The following GRAMD1B variants were observed in gnomAD, a reference collection of about 807,000 sequenced individuals.
GRAMD1B encodes the protein GRAM domain containing 1B.
A neutral mutation model predicts 99.7 loss-of-function variants in GRAMD1B; 37 were observed. That is an observed-to-expected ratio of 0.37 (90% confidence interval 0.29 to 0.49). The LOEUF is 0.49. Among genes scored for constraint, GRAMD1B ranks in the 20% least tolerant of loss-of-function variants. The pLI, the probability that GRAMD1B is intolerant of heterozygous loss-of-function variation, is 0.98. For missense variants in GRAMD1B, 888 were observed against 1,009.2 expected (o/e 0.88, Z 1.63); for synonymous variants, 427 against 387.6 (o/e 1.10, Z -1.19).
At chr11:123,453,506 G>A (rs949882235) in intron 1 of GRAMD1B, among the ~76,000 whole-genome samples, 4 of 151,954 alleles carry the variant, frequency 2.6e-5, no homozygotes, top group Non-Finnish European at 5.9e-5. Flanking sequence ...TAGTAGAGAC[G>A]GGGTTTCGCC....
At chr11:123,388,348 C>G (rs977100002) in intron 1 of GRAMD1B, among the ~76,000 whole-genome samples, 1 of 151,590 alleles carries the variant, frequency 6.6e-6, no homozygotes, top group African/African-American at 2.4e-5. Flanking sequence ...AAGAAGGAGC[C>G]CACATGAATG....
intron 2 of GRAMD1B, among the ~76,000 whole-genome samples, chr11:123,576,085 A>C (rs540075178): frequency 2.6e-5 from 4 of 151,086 alleles, no homozygotes; most frequent in Non-Finnish European, 4.4e-5. Context: ...GGCTCTTGGG[A>C]TTTGTTGCCT....
At chr11:123,520,626 T>TA (rs919681097) in intron 2 of GRAMD1B, among the ~76,000 whole-genome samples, 2 of 151,056 alleles carry the variant, frequency 1.3e-5, no homozygotes, top group African/African-American at 4.9e-5. Flanking sequence ...AAAATAAAAA[T>TA]AAATTAGCTG....
chr11:123,613,523 G>A lies in GRAMD1B; in HGVS notation c.2092G>A (p.Ala698Thr). 1 of 1,613,560 alleles carries A rather than the reference G, an allele frequency of 6.2e-7. No homozygotes were observed. The highest frequency in any genetic ancestry group is 1.1e-5 in the South Asian group (1 of 90,924). ...EMHRQSPKEK[A>T]SKTTTVRRRK... ...GCACAGACAATCTCCCAAAGAGAAG[G>A]CCAGCAAGACTACAACGGTGCGGAG... Residue 698 changes from alanine to threonine, a missense_variant, in exon 16 of 20, where the codon GCC becomes ACC. Physicochemically the swap from Ala to Thr is moderately conservative, Grantham distance 58 (BLOSUM62 0). Coordinates refer to ENST00000635736, the MANE Select transcript of GRAMD1B (RefSeq NM_001387025.1).
chr11:123,572,560 C>T (rs1230572859), intron 2 of GRAMD1B, among the ~76,000 whole-genome samples: 2 of 152,152 alleles, frequency 1.3e-5, no homozygotes, highest in Non-Finnish European at 2.9e-5. Context: ...GAACTGCAAA[C>T]ATTTCTTCTT....
chr11:123,577,609 T>A (rs1188280578), intron 3 of GRAMD1B, 32 bp downstream of exon 3: 4 of 1,504,160 alleles, frequency 2.7e-6, no homozygotes, highest in Non-Finnish European at 3.6e-6. Flanking sequence ...CGGTACCTCC[T>A]TGTCAGGGGC....
chr11:123,471,049 T>G (rs1456421555), intron 1 of GRAMD1B, among the ~76,000 whole-genome samples: 1 of 152,218 alleles, frequency 6.6e-6, no homozygotes, highest in Admixed American at 6.5e-5. Context: ...CATCGTTCAG[T>G]TCTGTGCTCT....
At chr11:123,503,577 C>CA (rs1307962200) in intron 2 of GRAMD1B, among the ~76,000 whole-genome samples, 3 of 143,350 alleles carry the variant, frequency 2.1e-5, no homozygotes, top group Admixed American at 1.4e-4. Context: ...GATGGAGTTT[C>CA]ACTCTGTCAC....
chr11:123,587,853 G>A lies in GRAMD1B; in HGVS notation c.684+3521G>A, dbSNP rs1311900018. Among the ~76,000 whole-genome samples, 4 of 152,158 alleles carry A rather than the reference G, an allele frequency of 2.6e-5. No homozygotes were observed. Among genetic ancestry groups the A allele is most frequent in the Non-Finnish European group, 5.9e-5 (4 of 68,030 alleles). On this transcript the variant is annotated intron_variant, in intron 4 of 19. Transcript: ENST00000635736. The surrounding 1 kb of genome is among the most constrained non-coding windows in gnomAD (Gnocchi z 4.2). ...CAGGGTGTTGGGGTTGGGCAGCGGA[G>A]AGGGTAGGAGACCTGCCTCGAACCT...
chr11:123,583,278 C>T (rs1295455695), intron 3 of GRAMD1B, among the ~76,000 whole-genome samples: 1 of 137,692 alleles, frequency 7.3e-6, no homozygotes, highest in Non-Finnish European at 1.6e-5. Context: ...TGTGTGTGTG[C>T]ATGTGTGTGT....
At chr11:123,367,811 C>A (rs1251682519) in intron 1 of GRAMD1B, among the ~76,000 whole-genome samples, 2 of 151,788 alleles carry the variant, frequency 1.3e-5, no homozygotes, top group Non-Finnish European at 2.9e-5. Context: ...TGTCCAGATG[C>A]CATGAAGGGG....
At chr11:123,457,394 T>C (rs1028401441) in intron 1 of GRAMD1B, among the ~76,000 whole-genome samples, 3 of 152,186 alleles carry the variant, frequency 2.0e-5, no homozygotes, top group Admixed American at 6.5e-5. Context: ...CCTACCCTCG[T>C]GGTTTAGTTC....
At chr11:123,594,349 G>C (rs1249029464) in intron 5 of GRAMD1B, among the ~76,000 whole-genome samples, 183 bp downstream of exon 5, 3 of 152,250 alleles carry the variant, frequency 2.0e-5, no homozygotes, top group Non-Finnish European at 4.4e-5. Context: ...GCTTGTGGCA[G>C]CCTCAAGAGC....
chr11:123,441,507 C>A (rs912004449), intron 1 of GRAMD1B, among the ~76,000 whole-genome samples: 1 of 152,102 alleles, frequency 6.6e-6, no homozygotes, highest in Non-Finnish European at 1.5e-5. Flanking sequence ...CAGGGCCAGG[C>A]ATGGTGGCTT....
intron 1 of GRAMD1B, among the ~76,000 whole-genome samples, chr11:123,423,223 A>G (rs1408248178): frequency 6.7e-6 from 1 of 148,714 alleles, no homozygotes; most frequent in Non-Finnish European, 1.5e-5. Context: ...TCTAAAACAT[A>G]ACATCTACCA....
Position 123,591,377 on chromosome 11 carries a change from G to T in GRAMD1B, c.685-2705G>T, listed in dbSNP as rs1310514886. ...TCAGGGAGCCAGGCGTCGTTGGGAGGGGCAGCCGTGCTGGGCAATGGAATC... is the reference window on the plus strand; with the variant it reads ...TCAGGGAGCCAGGCGTCGTTGGGAGTGGCAGCCGTGCTGGGCAATGGAATC... On this transcript the variant is annotated intron_variant, in intron 4 of 19. Coordinates refer to ENST00000635736, the MANE Select transcript of GRAMD1B (RefSeq NM_001387025.1). The surrounding 1 kb of genome is among the most constrained non-coding windows in gnomAD (Gnocchi z 4.7). The T allele has an allele frequency of 1.0e-5, 4 of 399,130 alleles. No individual in the cohort carries two copies. Among genetic ancestry groups the T allele is most frequent in the Non-Finnish European group, 4.4e-6 (1 of 226,280 alleles). The allele number at this position is 399,130 out of a possible 1,614,324, so 24.7% of individuals were successfully genotyped here. A position where few individuals can be genotyped will look rare whatever the true frequency, so the allele number is the denominator to read the frequency against.
chr11:123,519,484 C>G (rs982404312), intron 2 of GRAMD1B, among the ~76,000 whole-genome samples: 2 of 152,196 alleles, frequency 1.3e-5, no homozygotes, highest in African/African-American at 4.8e-5. Flanking sequence ...CCCGCTGCTC[C>G]TCTCTCACTT....
intron 1 of GRAMD1B, among the ~76,000 whole-genome samples, chr11:123,395,458 TAAC>T (rs769239736): frequency 7.9e-5 from 12 of 151,928 alleles, no homozygotes; most frequent in African/African-American, 2.7e-4. Context: ...CTGCCCTCAT[TAAC>T]AACAACAACA....
At chr11:123,589,614 T>TATA (rs1555089174) in intron 4 of GRAMD1B, among the ~76,000 whole-genome samples, 34,809 of 127,874 alleles carry the variant, frequency 0.27, 5,451 homozygotes, top group South Asian at 0.39. Flanking sequence ...TGGCTAATTT[T>TATA]TATATATATA....
Sources: gnomAD v4.1 joint callset for allele counts (sites outside exome capture counted in the v4.1 genomes callset) on GRCh38, gnomAD v4.1.1 for gene constraint, Gnocchi (gnomAD v3.1) non-coding constraint, MANE v1.5 for transcripts, NCBI Gene and HGNC (gene_info 2026-07-23, HGNC 2026-07-21) for gene names.